Variants in LRRIQ3 observed in about 807,000 individuals in gnomAD.
LRRIQ3 encodes leucine-rich repeat and IQ domain-containing protein 3.
Under a neutral mutation model 59.3 loss-of-function variants are expected in LRRIQ3, and 75 were observed. The observed-to-expected ratio is 1.26, with a 90% CI of 1.05 to 1.53. The LOEUF (loss-of-function observed/expected upper bound fraction) is 1.53. Ranked by LOEUF, LRRIQ3 falls within the 40% of genes most tolerant of loss-of-function variation. LRRIQ3 has a pLI of 0.00. For missense variants in LRRIQ3, 831 were observed against 710.0 expected (o/e 1.17, Z -1.94); for synonymous variants, 250 against 231.3 (o/e 1.08, Z -0.73).
intron 5 of LRRIQ3, among the ~76,000 whole-genome samples, chr1:74,101,743 G>A (rs563455340): frequency 3.9e-5 from 6 of 152,242 alleles, no homozygotes; most frequent in Admixed American, 3.9e-4. Context: ...AAAAGGATGA[G>A]TTCATGTCCT....
chr1:74,100,628 G>A lies in LRRIQ3; in HGVS notation c.867+8766C>T, dbSNP rs187079613. Among the ~76,000 whole-genome samples, 84 of 152,250 alleles carry A rather than the reference G, an allele frequency of 5.5e-4. No homozygotes were observed. In the East Asian group the frequency reaches 0.014, roughly 25 times the overall value. ...AATCCTAAGCCAAAAGAACAAAGCC[G>A]GAGGCATCATGCTACCTGACTTCAA... On this transcript the variant is annotated intron_variant, in intron 5 of 7. Transcript: ENST00000354431.
intron 4 of LRRIQ3, among the ~76,000 whole-genome samples, chr1:74,115,031 T>G (rs2100573611): frequency 6.6e-6 from 1 of 152,128 alleles, no homozygotes; most frequent in African/African-American, 2.4e-5. Flanking sequence ...ATATACTATC[T>G]TGTCGAATGA....
At chr1:74,037,825 C>T (rs1409744979) in intron 7 of LRRIQ3, among the ~76,000 whole-genome samples, 1 of 152,126 alleles carries the variant, frequency 6.6e-6, no homozygotes, top group Non-Finnish European at 1.5e-5. Context: ...GCCTAGGAAA[C>T]CGTGCTTTTT....
At chr1:74,055,179 T>TA in intron 6 of LRRIQ3, among the ~76,000 whole-genome samples, 1 of 21,102 alleles carries the variant, frequency 4.7e-5, no homozygotes, top group African/African-American at 1.1e-4. Context: ...ACATATACAC[T>TA]TTATATATAT....
At chr1:74,086,484 T>C (rs981771989) in intron 5 of LRRIQ3, among the ~76,000 whole-genome samples, 5 of 152,142 alleles carry the variant, frequency 3.3e-5, no homozygotes, top group African/African-American at 1.2e-4. Context: ...ATTCTCTTTT[T>C]CTAATTCCTA....
intron 4 of LRRIQ3, among the ~76,000 whole-genome samples, chr1:74,135,925 G>T (rs1303683707): frequency 1.3e-5 from 2 of 151,602 alleles, no homozygotes; most frequent in Non-Finnish European, 2.9e-5. Flanking sequence ...TAAAAAACTA[G>T]AAAAATAGTA....
intron 4 of LRRIQ3, among the ~76,000 whole-genome samples, chr1:74,123,649 G>T (rs1646893632): frequency 6.6e-6 from 1 of 151,922 alleles, no homozygotes; most frequent in South Asian, 2.1e-4. Context: ...TTTTTCTGTG[G>T]CTGAATAGTA....
chr1:74,092,202 A>G lies in LRRIQ3; in HGVS notation c.867+17192T>C, dbSNP rs1201957933. Among the ~76,000 whole-genome samples, 7 of 152,100 alleles carry G rather than the reference A, an allele frequency of 4.6e-5. No homozygotes were observed. In the East Asian group the frequency reaches 1.3e-3, roughly 29 times the overall value. ...CTATTTGACTGGAGGTCATGTTCAG[A>G]AAAGCATGAGATAAAAACAGTCAGT... On this transcript the variant is annotated intron_variant, in intron 5 of 7. Transcript: ENST00000354431.
At chr1:74,122,889 T>C (rs984123888) in intron 4 of LRRIQ3, among the ~76,000 whole-genome samples, 1 of 152,080 alleles carries the variant, frequency 6.6e-6, no homozygotes, top group East Asian at 1.9e-4. Context: ...AGAGTGAACA[T>C]GCAACCTACA....
chr1:74,060,209 CTTCTTCTTCTTG>C (rs751261280), intron 6 of LRRIQ3, among the ~76,000 whole-genome samples: 12,321 of 43,012 alleles, frequency 0.29, 766 homozygotes, highest in East Asian at 0.42. Flanking sequence ...TCTTCTTCTT[CTTCTTCTTCTTG>C]TTCTTCTTCT....
At chr1:74,027,115 G>T in intron 7 of LRRIQ3, 146 bp from the exon 8 acceptor site, 4 of 530,156 alleles carry the variant, frequency 7.5e-6, no homozygotes, top group Non-Finnish European at 1.3e-5. Context: ...TATATAACTT[G>T]GTTATATCAT....
At chr1:74,173,324 C>T (rs1415645782) in intron 3 of LRRIQ3, among the ~76,000 whole-genome samples, 1 of 151,502 alleles carries the variant, frequency 6.6e-6, no homozygotes, top group Non-Finnish European at 1.5e-5. Context: ...CCATTCACTC[C>T]CTCCTTATCT....
intron 4 of LRRIQ3, among the ~76,000 whole-genome samples, chr1:74,143,124 T>C (rs1647339197): frequency 6.6e-6 from 1 of 152,036 alleles, no homozygotes; most frequent in Admixed American, 6.6e-5. Flanking sequence ...ATTAAAATTA[T>C]TTGAAGTGAA....
chr1:74,107,184 T>TA lies in LRRIQ3; in HGVS notation c.867+2209dup, dbSNP rs1262191178. On this transcript the variant is annotated intron_variant, in intron 5 of 7. Coordinates refer to ENST00000354431, the MANE Select transcript of LRRIQ3 (RefSeq NM_001105659.2). ...TAGTTATGGGAATTATTAAACCCTT[T>TA]AAGTCAAGCACGTTTTATTCCCAAA... is the stretch of plus-strand genomic sequence containing the variant. Among the ~76,000 whole-genome samples, 9 of 152,144 alleles carry TA rather than the reference T, an allele frequency of 5.9e-5. No individual in the cohort carries two copies. In the East Asian group the frequency reaches 1.4e-3, roughly 23 times the overall value.
At chr1:74,094,535 C>T (rs1461721346) in intron 5 of LRRIQ3, among the ~76,000 whole-genome samples, 1 of 151,996 alleles carries the variant, frequency 6.6e-6, no homozygotes, top group East Asian at 1.9e-4. Flanking sequence ...AAAACATCAG[C>T]CATGTAAACA....
intron 5 of LRRIQ3, among the ~76,000 whole-genome samples, chr1:74,089,789 T>G (rs1274482580): frequency 6.6e-6 from 1 of 152,042 alleles, no homozygotes; most frequent in East Asian, 1.9e-4. Flanking sequence ...TAAAAACAAC[T>G]GGACTGGACA....
At chr1:74,125,083 A>C (rs936711799) in intron 4 of LRRIQ3, among the ~76,000 whole-genome samples, 6 of 151,758 alleles carry the variant, frequency 4.0e-5, no homozygotes, top group African/African-American at 4.8e-5. Context: ...TCTTTGGTTA[A>C]GTTAATTCCT....
chr1:74,126,562 T>A (rs558644703), intron 4 of LRRIQ3, among the ~76,000 whole-genome samples: 8 of 152,058 alleles, frequency 5.3e-5, no homozygotes, highest in African/African-American at 1.9e-4. Context: ...CCATTATCAT[T>A]CGTTTAAAGA....
chr1:74,083,136 A>C (rs186894837), intron 5 of LRRIQ3: 2 of 151,804 alleles, frequency 1.3e-5, no homozygotes, highest in Admixed American at 1.3e-4. Flanking sequence ...ATGTATGTAC[A>C]TATATATCTC....
Sources: gnomAD v4.1 joint callset for allele counts (sites outside exome capture counted in the v4.1 genomes callset) on GRCh38, gnomAD v4.1.1 for gene constraint, MANE v1.5 for transcripts, NCBI Gene and HGNC (gene_info 2026-07-23, HGNC 2026-07-21) for gene names.